The following ADAT1 variants were observed in gnomAD, a reference collection of about 807,000 sequenced individuals.
The protein encoded by ADAT1 is tRNA-specific adenosine deaminase 1.
ADAT1 carries 58 observed loss-of-function variants against 58.6 expected under a neutral mutation model. The ratio of observed to expected loss-of-function variants is 0.99; its 90% CI spans 0.80 to 1.23. The LOEUF (loss-of-function observed/expected upper bound fraction) is 1.23, where lower values mean the gene tolerates loss of function less well. Ranked by LOEUF, ADAT1 falls within the 50% of genes most tolerant of loss-of-function variation. The pLI is 0.00. For missense variants in ADAT1, 741 were observed against 608.6 expected (o/e 1.22, Z -2.29); for synonymous variants, 254 against 220.8 (o/e 1.15, Z -1.33).
At position 75,614,267 on chromosome 16, in the gene ADAT1, C is replaced by T. The variant is rs137903506; in HGVS notation, c.425-1406G>A. ...GGAGATTTTATGATGCATGGCCCCA[C>T]AGTAAAGACTCTAAAGTAAATTACA... On this transcript the variant is annotated intron_variant, in intron 5 of 9. Transcript: ENST00000564657. Among the ~76,000 whole-genome samples the T allele has an allele frequency of 1.0e-3, 152 of 152,276 alleles. 1 individual carries two copies. Among genetic ancestry groups the T allele is most frequent in the African/African-American group, 3.5e-3 (147 of 41,556 alleles).
rs371719873 is a variant in ADAT1, at chr16:75,615,142, G to A, written c.424+2000C>T. Among the ~76,000 whole-genome samples, 130 of 150,756 alleles carry A rather than the reference G, an allele frequency of 8.6e-4. 1 individual carries two copies. Among genetic ancestry groups the A allele is most frequent in the African/African-American group, 3.1e-3 (126 of 40,990 alleles). Reference sequence around the variant, plus strand: ...CTTGGGAGGCCAAGGCAGGAGAATCGCCTGGACCCGGGAGGTGGAGATTGC... The same window carrying A: ...CTTGGGAGGCCAAGGCAGGAGAATCACCTGGACCCGGGAGGTGGAGATTGC... On this transcript the variant is annotated intron_variant, in intron 5 of 9. Transcript: ENST00000564657.
At position 75,600,148 on chromosome 16, in the gene ADAT1, G is replaced by A; in HGVS notation, c.*68C>T. The A allele has an allele frequency of 6.3e-7, 1 of 1,592,894 alleles. No homozygotes were observed. The highest frequency in any genetic ancestry group is 8.6e-7 in the Non-Finnish European group (1 of 1,166,978). The stretch of plus-strand genomic sequence containing the variant: ...CTGATTTAACTACCAAAAAAGCTAA[G>A]ACTTGTCCTGCGTGGAGGAAGGCAG... On this transcript the variant is annotated 3_prime_UTR_variant, in exon 10 of 10. Coordinates refer to ENST00000564657, the MANE Select transcript of ADAT1 (RefSeq NM_001324445.2).
At chr16:75,604,522 T>C (rs61551626) in intron 8 of ADAT1, among the ~76,000 whole-genome samples, 2,457 of 120,640 alleles carry the variant, frequency 0.02, 49 homozygotes, top group African/African-American at 0.044. Context: ...CACACACATA[T>C]ATACATATAT....
At chr16:75,620,125 T>C (rs1324555749) in intron 3 of ADAT1, 141 bp downstream of exon 3, 2 of 767,554 alleles carry the variant, frequency 2.6e-6, no homozygotes, top group African/African-American at 3.4e-5. Flanking sequence ...GTGAGTACGG[T>C]CCTTCCAACT....
chr16:75,613,933 TG>T (rs2081625708), intron 5 of ADAT1, among the ~76,000 whole-genome samples: 2 of 152,122 alleles, frequency 1.3e-5, no homozygotes, highest in African/African-American at 4.8e-5. Context: ...GGCTCATGCC[TG>T]TAATCCCAGC....
intron 1 of ADAT1, 148 bp from the exon 2 acceptor site, chr16:75,620,968 T>C (rs577686137): frequency 1.7e-6 from 1 of 578,556 alleles, no homozygotes; most frequent in African/African-American, 1.9e-5. Flanking sequence ...TCTTCTACTA[T>C]CTCCCTGCCC....
chr16:75,604,432 C>CAAAAAA lies in ADAT1; in HGVS notation c.1290-1267_1290-1262dup, dbSNP rs869079388. 5.8e-3 allele frequency among the ~76,000 whole-genome samples: 46 copies of CAAAAAA among 7,940 alleles called. 10 individuals are homozygous for CAAAAAA. The highest frequency in any genetic ancestry group is 0.014 in the African/African-American group (17 of 1,242). 5.2% of individuals were successfully genotyped at this position (7,940 alleles called of 152,430 possible). On this transcript the variant is annotated intron_variant, in intron 8 of 9. Coordinates refer to ENST00000564657, the MANE Select transcript of ADAT1 (RefSeq NM_001324445.2). ...TGGGTGACAGAGTGAGATTCTGTCT[C>CAAAAAA]AAAAAAAAAAAAAAAAAAAAAAAAA...
Position 75,608,848 on chromosome 16 carries a change from C to A in ADAT1, c.1184G>T (p.Gly395Val). The part of the protein sequence containing the change: ...ADSPGRLVPC[G>V]AAISWSAVPE... ...GTCTAACCTGGATCTCTTACCTGCC[C>A]CACAAGGAACAAGTCGACCTGGGCT... The change falls in exon 7 of 10, where the codon GGG (glycine) becomes GTG (valine). Residue 395 changes from glycine to valine, a missense_variant. Gly to Val is a moderately radical substitution (Grantham distance 109). Coordinates refer to ENST00000564657, the MANE Select transcript of ADAT1 (RefSeq NM_001324445.2). 6.2e-7 allele frequency: 1 copy of A among 1,613,382 alleles called. No individual in the cohort carries two copies. Among genetic ancestry groups the A allele is most frequent in the Non-Finnish European group, 8.5e-7 (1 of 1,179,794 alleles).
In ADAT1 at chr16:75,599,647, T is replaced by C; in HGVS notation, c.*569A>G. On this transcript the variant is annotated 3_prime_UTR_variant, in exon 10 of 10. Transcript: ENST00000564657. ...GATCAAAACAGAAAGCCTTTCCTGATACCTCTGAGAACAAGTCCAGGGCAG... is the reference window on the plus strand; with the variant it reads ...GATCAAAACAGAAAGCCTTTCCTGACACCTCTGAGAACAAGTCCAGGGCAG... 1 of 985,908 alleles carries C rather than the reference T, an allele frequency of 1.0e-6. No homozygotes were observed. Among genetic ancestry groups the C allele is most frequent in the Non-Finnish European group, 1.2e-6 (1 of 830,018 alleles). The allele number at this position is 985,908 out of a possible 1,614,324, so 61.1% of individuals were successfully genotyped here. A position where few individuals can be genotyped will look rare whatever the true frequency, so the allele number is the denominator to read the frequency against.
In ADAT1 at chr16:75,599,264, TAG is replaced by T; in HGVS notation, c.*950_*951del. The T allele has an allele frequency of 1.2e-6, 1 of 842,010 alleles. No homozygotes were observed. The highest frequency in any genetic ancestry group is 1.4e-6 in the Non-Finnish European group (1 of 699,592). 52.2% of individuals were successfully genotyped at this position (842,010 alleles called of 1,614,324 possible). ...GCCCGGCTAGTTTTTGCATTTTTAG[TAG>T]AGACAGGGTTTCACCAGGTTGGCCA... On this transcript the variant is annotated 3_prime_UTR_variant, in exon 10 of 10. Coordinates refer to ENST00000564657, the MANE Select transcript of ADAT1 (RefSeq NM_001324445.2).
Position 75,600,338 on chromosome 16 carries a change from G to C in ADAT1, c.1387C>G (p.Leu463Val). 5 of 1,613,692 alleles carry C rather than the reference G, an allele frequency of 3.1e-6. No individual in the cohort carries two copies. The highest frequency in any genetic ancestry group is 4.2e-6 in the Non-Finnish European group (5 of 1,179,994). ...TCCTTGTACTCCTGGTAGGTATCCAGCTTCTGCACCCTAATGCACACAGGC... is the reference window on the plus strand; with the variant it reads ...TCCTTGTACTCCTGGTAGGTATCCACCTTCTGCACCCTAATGCACACAGGC... ...KWPHSLRVQK[L>V]DTYQEYKEAA... The change falls in exon 10 of 10, where the codon CTG becomes GTG. Residue 463 changes from leucine to valine, a missense_variant. Coordinates refer to ENST00000564657, the MANE Select transcript of ADAT1 (RefSeq NM_001324445.2).
intron 6 of ADAT1, among the ~76,000 whole-genome samples, chr16:75,611,693 C>T (rs966991415): frequency 6.6e-6 from 1 of 150,906 alleles, no homozygotes; most frequent in Non-Finnish European, 1.5e-5. Context: ...TTCATCAATA[C>T]TATTTTTAAC....
At chr16:75,615,176 G>A (rs1434950896) in intron 5 of ADAT1, among the ~76,000 whole-genome samples, 6 of 144,036 alleles carry the variant, frequency 4.2e-5, no homozygotes, top group African/African-American at 1.5e-4. Context: ...GCAATGAGCC[G>A]AGATCGAGAA....
intron 8 of ADAT1, among the ~76,000 whole-genome samples, chr16:75,603,773 C>T (rs1289975867): frequency 6.6e-6 from 1 of 152,170 alleles, no homozygotes; most frequent in African/African-American, 2.4e-5. Flanking sequence ...CTCATGTATA[C>T]AATTCATGAG....
At position 75,612,402 on chromosome 16, in the gene ADAT1, C is replaced by T. The variant is rs780177665; in HGVS notation, c.884G>A (p.Arg295His). The T allele has an allele frequency of 1.2e-5, 19 of 1,614,250 alleles. No individual in the cohort carries two copies. The highest frequency in any genetic ancestry group is 2.7e-5 in the African/African-American group (2 of 75,072). ...CATCTTGTCACTACAGGACATGGAG[C>T]GTGTTCTGTCTCCACGGCCTGGCTT... is the stretch of plus-strand genomic sequence containing the variant. Reference protein sequence around the residue: ...RVKPGRGDRTRSMSCSDKMAR... With the variant: ...RVKPGRGDRTHSMSCSDKMAR... Residue 295 changes from arginine (R) to histidine (H), a missense_variant, in exon 6 of 10, where the codon CGC becomes CAC. By Grantham distance (29) the Arg-to-His change is conservative (BLOSUM62 0). Coordinates refer to ENST00000564657, the MANE Select transcript of ADAT1 (RefSeq NM_001324445.2).
chr16:75,622,361 G>T (rs948113254), intron 1 of ADAT1, 42 bp downstream of exon 1: 1 of 152,162 alleles, frequency 6.6e-6, no homozygotes, highest in Non-Finnish European at 1.5e-5. Flanking sequence ...GTCAAGAAAA[G>T]AAAGCATGAG....
rs989535686 is a variant in ADAT1, at chr16:75,608,988, C to T, written c.1044G>A (p.Arg348=). 8.1e-6 allele frequency: 13 copies of T among 1,613,976 alleles called. No homozygotes were observed. The highest frequency in any genetic ancestry group is 2.2e-5 in the East Asian group (1 of 44,874). ...QEAMQRALIG[R]CQNVSALPKG... ...TTGGTAAAGCAGACACATTCTGACA[C>T]CTAAATACAAGGGAAAATGCATTCA... The change falls in exon 7 of 10, where the codon AGG becomes AGA. Residue 348 remains arginine (R), a splice_region_variant and synonymous_variant. Coordinates refer to ENST00000564657, the MANE Select transcript of ADAT1 (RefSeq NM_001324445.2).
chr16:75,620,862 A>T, intron 1 of ADAT1, 42 bp from the exon 2 acceptor site: 1 of 1,546,512 alleles, frequency 6.5e-7, no homozygotes, highest in South Asian at 1.2e-5. Context: ...GGAAAGGAGA[A>T]CCAGTGCACG....
Position 75,599,704 on chromosome 16 carries a change from C to G in ADAT1, c.*512G>C. The G allele has an allele frequency of 2.4e-5, 24 of 987,494 alleles. No individual in the cohort carries two copies. The highest frequency in any genetic ancestry group is 2.8e-5 in the Non-Finnish European group (23 of 831,158). The allele number at this position is 987,494 out of a possible 1,614,324, so 61.2% of individuals were successfully genotyped here. A position where few individuals can be genotyped will look rare whatever the true frequency, so the allele number is the denominator to read the frequency against. ...GCTGGCTCACAGGCTATTCCTAGAG[C>G]CAGGGAGTAAGGTTAGCTTCAGCCA... On this transcript the variant is annotated 3_prime_UTR_variant, in exon 10 of 10. Coordinates refer to ENST00000564657, the MANE Select transcript of ADAT1 (RefSeq NM_001324445.2).
Sources: allele counts gnomAD v4.1 joint callset (sites outside exome capture counted in the v4.1 genomes callset), GRCh38; gene constraint gnomAD v4.1.1; transcripts MANE v1.5; gene names NCBI Gene and HGNC (gene_info 2026-07-23, HGNC 2026-07-21).